The following CALD1 variants were observed in gnomAD, a reference collection of about 807,000 sequenced individuals.
CALD1 encodes the protein caldesmon.
CALD1 carries 33 observed loss-of-function variants against 99.9 expected under a neutral mutation model. That is an observed-to-expected ratio of 0.33 (90% CI 0.25 to 0.44). CALD1 has a LOEUF of 0.44. Among genes scored for constraint, CALD1 ranks in the 20% least tolerant of loss-of-function variants. The pLI is 1.00. For synonymous variants in CALD1, 310 were observed against 325.0 expected (o/e 0.95, Z 0.50); for missense variants, 861 against 962.1 (o/e 0.89, Z 1.39).
chr7:134,962,725 A>G (rs2133274388), intron 13 of CALD1: 3 of 428,926 alleles, frequency 7.0e-6, no homozygotes, highest in East Asian at 1.4e-4. Flanking sequence ...TGGTTTGTCT[A>G]TTCTTTGTGT....
At chr7:134,741,879 C>A (rs1202232948), upstream of CALD1, among the ~76,000 whole-genome samples, 1 of 152,186 alleles carries the variant, frequency 6.6e-6, no homozygotes, top group Non-Finnish European at 1.5e-5. Flanking sequence ...AGCAAACATT[C>A]ATTAAATGCC....
intron 1 of CALD1, among the ~76,000 whole-genome samples, chr7:134,790,137 A>C (rs567856275): frequency 1.2e-3 from 183 of 150,966 alleles, no homozygotes; most frequent in Middle Eastern, 3.4e-3. Flanking sequence ...GGAAGGGAAA[A>C]GGGGGAAGAG....
chr7:134,751,240 C>T (rs6973830), intron 1 of CALD1, among the ~76,000 whole-genome samples: 36,650 of 152,034 alleles, frequency 0.24, 5,142 homozygotes, highest in African/African-American at 0.39. Context: ...AGGTTGTTCC[C>T]AAGATGAAAA....
intron 1 of CALD1, among the ~76,000 whole-genome samples, chr7:134,799,990 A>G (rs1797884915): frequency 6.6e-6 from 1 of 152,232 alleles, no homozygotes; most frequent in Admixed American, 6.5e-5. Context: ...AAGAGAAAAG[A>G]TGAAAAAAGG....
intron 2 of CALD1, among the ~76,000 whole-genome samples, chr7:134,855,186 A>G (rs1472876147): frequency 6.6e-6 from 1 of 152,262 alleles, no homozygotes; most frequent in Non-Finnish European, 1.5e-5. Flanking sequence ...ACTAATGCAC[A>G]GTGCAAGGAT....
the CALD1 span, among the ~76,000 whole-genome samples, chr7:134,711,680 A>ATATATG: frequency 4.9e-4 from 54 of 109,580 alleles, 1 homozygote; most frequent in African/African-American, 1.9e-3. Context: ...ATATATATAT[A>ATATATG]TGTGTGTGTG....
chr7:134,941,315 G>A lies in CALD1; in HGVS notation c.1532+78G>A, dbSNP rs370837430. 9.1e-6 allele frequency: 11 copies of A among 1,203,060 alleles called. 1 individual carries two copies. The highest frequency in any genetic ancestry group is 6.2e-5 in the African/African-American group (4 of 64,880). 74.5% of individuals were successfully genotyped at this position (1,203,060 alleles called of 1,614,324 possible). On this transcript the variant is annotated intron_variant, in intron 7 of 14. Coordinates refer to ENST00000361675, the MANE Select transcript of CALD1 (RefSeq NM_033138.4). Reference sequence around the variant, plus strand: ...AAAAAAAAGTCAGTCTTCCCATCCTGTGCTTCCAGACAGAAACGTGCTAAG... The same window carrying A: ...AAAAAAAAGTCAGTCTTCCCATCCTATGCTTCCAGACAGAAACGTGCTAAG...
chr7:134,962,339 C>T (rs1483407363), intron 13 of CALD1: 1 of 146,454 alleles, frequency 6.8e-6, no homozygotes, highest in Non-Finnish European at 1.5e-5. Flanking sequence ...AAACATACAC[C>T]ATGTTCTGGG....
At chr7:134,801,463 T>A (rs1248856210) in intron 1 of CALD1, among the ~76,000 whole-genome samples, 1 of 152,206 alleles carries the variant, frequency 6.6e-6, no homozygotes. Context: ...CTTTAGTAGT[T>A]CCTTTAGAGA....
chr7:134,852,998 T>C (rs1437911088), intron 2 of CALD1, among the ~76,000 whole-genome samples: 1 of 152,192 alleles, frequency 6.6e-6, no homozygotes, highest in Admixed American at 6.5e-5. Context: ...ATATTTCTGC[T>C]TGATGGCGTG....
At chr7:134,896,090 T>C (rs1009200947) in intron 3 of CALD1, among the ~76,000 whole-genome samples, 3 of 152,146 alleles carry the variant, frequency 2.0e-5, no homozygotes, top group Admixed American at 6.5e-5. Flanking sequence ...CTCTTTAAAA[T>C]AGCCAGTCGG....
the CALD1 span, among the ~76,000 whole-genome samples, chr7:134,729,276 G>A: frequency 6.6e-6 from 1 of 152,176 alleles, no homozygotes; most frequent in Non-Finnish European, 1.5e-5. Context: ...CTATCATAGA[G>A]TAGTATTATT....
intron 1 of CALD1, among the ~76,000 whole-genome samples, chr7:134,796,375 C>T (rs952679533): frequency 2.0e-5 from 3 of 152,214 alleles, no homozygotes; most frequent in African/African-American, 7.2e-5. Context: ...AAAACACAGA[C>T]ATGGATTTCC....
intron 3 of CALD1, among the ~76,000 whole-genome samples, chr7:134,926,991 G>C (rs939125625): frequency 6.6e-6 from 1 of 152,076 alleles, no homozygotes; most frequent in African/African-American, 2.4e-5. Flanking sequence ...CTATTTTGTA[G>C]ATATGTAAGT....
At position 134,958,284 on chromosome 7, in the gene CALD1, A is replaced by G. The variant is rs749809134; in HGVS notation, c.2055A>G (p.Ala685=). The change falls in exon 11 of 15, where the codon GCA becomes GCG. Residue 685 remains alanine, a synonymous_variant. Transcript: ENST00000361675. ...IDSRLEQYTS[A]IEGTKSAKPT... ...GCAGACTGGAGCAGTATACCAGTGC[A>G]ATTGAGGTGAGAATTGTCCTCAGCG... The G allele has an allele frequency of 3.1e-6, 5 of 1,612,966 alleles. No individual in the cohort carries two copies. Among genetic ancestry groups the G allele is most frequent in the Non-Finnish European group, 4.2e-6 (5 of 1,178,982 alleles).
chr7:134,943,384 G>A (rs936621628), intron 7 of CALD1, among the ~76,000 whole-genome samples: 4 of 152,112 alleles, frequency 2.6e-5, no homozygotes, highest in Admixed American at 2.6e-4. Context: ...ATGCACATAG[G>A]CAGAGGTGGT....
intron 1 of CALD1, among the ~76,000 whole-genome samples, chr7:134,793,065 G>A (rs1797605121): frequency 6.6e-6 from 1 of 152,228 alleles, no homozygotes; most frequent in African/African-American, 2.4e-5. Context: ...AGACCATCTG[G>A]TATGAGGCCT....
chr7:134,772,424 G>A lies in CALD1; in HGVS notation c.-130+28061G>A, dbSNP rs889528473. Among the ~76,000 whole-genome samples, 73 of 151,964 alleles carry A rather than the reference G, an allele frequency of 4.8e-4. 1 individual carries two copies. Among genetic ancestry groups the A allele is most frequent in the Non-Finnish European group, 7.4e-5 (5 of 68,006 alleles). ...TGTTCTTTTAGGCATTTATTTCCAC[G>A]AGCCTAAACAACATACTAATTCTGC... On this transcript the variant is annotated intron_variant, in intron 1 of 13. Coordinates refer to the CALD1 transcript ENST00000417172.
chr7:134,956,257 G>A (rs1214454704), intron 9 of CALD1, among the ~76,000 whole-genome samples: 1 of 151,944 alleles, frequency 6.6e-6, no homozygotes, highest in Non-Finnish European at 1.5e-5. Context: ...AAAAAACTCT[G>A]TGGTATTTAT....
Sources: gnomAD v4.1 joint callset for allele counts (sites outside exome capture counted in the v4.1 genomes callset) on GRCh38, gnomAD v4.1.1 for gene constraint, MANE v1.5 for transcripts, NCBI Gene and HGNC (gene_info 2026-07-23, HGNC 2026-07-21) for gene names.